Variants in KCNH3 observed in about 807,000 individuals in gnomAD.
KCNH3 encodes voltage-gated inwardly rectifying potassium channel KCNH3.
A neutral mutation model predicts 95.6 loss-of-function variants in KCNH3; 36 were observed. The ratio of observed to expected loss-of-function variants is 0.38; its 90% confidence interval spans 0.29 to 0.50. KCNH3 has a LOEUF of 0.50. Among genes scored for constraint, KCNH3 ranks in the 20% least tolerant of loss-of-function variants. KCNH3 has a pLI of 0.95. For missense variants in KCNH3, 1,030 were observed against 1,484.1 expected, an observed-to-expected ratio of 0.69 and a Z score of 5.03; for synonymous variants, 620 against 646.3, an observed-to-expected ratio of 0.96 and a Z score of 0.62.
In KCNH3 at chr12:49,557,146, C is replaced by G; in HGVS notation, c.2576-37C>G. The G allele has an allele frequency of 1.9e-6, 3 of 1,606,706 alleles. No individual in the cohort carries two copies. In the South Asian group the frequency reaches 3.3e-5, roughly 18 times the overall value. On this transcript the variant is annotated intron_variant, in intron 13 of 14. Transcript: ENST00000257981. ...CCCCCAAATTGCCTATCTCCTCTTA[C>G]CAGCCCCAGCTGATAACCCCATCCT...
chr12:49,550,083 C>T lies in KCNH3; in HGVS notation c.1672C>T (p.Leu558=). 8.3e-7 allele frequency: 1 copy of T among 1,211,832 alleles called. No individual in the cohort carries two copies. The highest frequency in any genetic ancestry group is 1.1e-6 in the Non-Finnish European group (1 of 882,282). The allele number at this position is 1,211,832 out of a possible 1,614,324, so 75.1% of individuals were successfully genotyped here. ...VNNGIDTTEL[L]QSLPDELRAD... is the part of the protein sequence containing the mutation. ...CCCCGCACCTGCTCACCTGCAGCTG[C>T]TGCAGAGCCTCCCTGACGAGCTGCG... The change falls in exon 10 of 15, where the codon CTG becomes TTG. Residue 558 remains leucine (L), a synonymous_variant. Coordinates refer to ENST00000257981, the MANE Select transcript of KCNH3 (RefSeq NM_012284.3).
Position 49,549,619 on chromosome 12 carries a change from C to T in KCNH3, c.1647C>T (p.Asn549=), listed in dbSNP as rs538798863. ...LEYFQATWAV[N]NGIDTTELLQ... ...ACTTCCAGGCCACCTGGGCGGTGAA[C>T]AATGGCATCGACACCACCGAGGTGC... Residue 549 remains asparagine (N), a synonymous_variant, in exon 9 of 15, where the codon AAC becomes AAT. Coordinates refer to ENST00000257981, the MANE Select transcript of KCNH3 (RefSeq NM_012284.3). 6.2e-6 allele frequency: 10 copies of T among 1,610,566 alleles called. No homozygotes were observed. In the South Asian group the frequency reaches 1.1e-4, roughly 18 times the overall value.
rs1938428641 is a variant in KCNH3 at position 49,555,993 on chromosome 12, G to A, written c.2468+42G>A. 4.1e-6 allele frequency: 4 copies of A among 964,390 alleles called. No individual in the cohort carries two copies. The East Asian group carries it at 9.7e-5, about 23-fold the overall frequency. The allele number at this position is 964,390 out of a possible 1,614,324, so 59.7% of individuals were successfully genotyped here. A position where few individuals can be genotyped will look rare whatever the true frequency, so the allele number is the denominator to read the frequency against. ...CCCCCGTGGCAGAGATGGTGGTGAT[G>A]AGGCTGAGGCCCTGGGCAGGCGCAC... is the stretch of plus-strand genomic sequence containing the variant. On this transcript the variant is annotated intron_variant, in intron 12 of 14. Transcript: ENST00000257981.
chr12:49,549,190 G>C lies in KCNH3; in HGVS notation c.1468+17G>C, dbSNP rs935865252. ...TCATCGGCGGTGAGCCCGGCCGCGC[G>C]CGTCTTCCCGGGGCCACTCCCAGAC... On this transcript the variant is annotated intron_variant, in intron 8 of 14. Transcript: ENST00000257981. 1.3e-6 allele frequency: 2 copies of C among 1,566,066 alleles called. No individual in the cohort carries two copies. The highest frequency in any genetic ancestry group is 1.7e-6 in the Non-Finnish European group (2 of 1,154,218).
intron 10 of KCNH3, among the ~76,000 whole-genome samples, chr12:49,553,996 G>A (rs1463884695): frequency 6.6e-6 from 1 of 152,212 alleles, no homozygotes; most frequent in African/African-American, 2.4e-5. Flanking sequence ...TTTTGCAGGG[G>A]ATTCTAATCA....
chr12:49,543,728 A>G, intron 5 of KCNH3, 187 bp from the exon 6 acceptor site: 3 of 1,020,484 alleles, frequency 2.9e-6, no homozygotes, highest in Non-Finnish European at 4.2e-6. Context: ...CTGAGCCTCC[A>G]TAAAATAGAT....
rs189014303 is a variant in KCNH3 at position 49,555,039 on chromosome 12, G to C, written c.2136+485G>C. Among the ~76,000 whole-genome samples the C allele has an allele frequency of 3.1e-3, 473 of 152,248 alleles. 2 individuals carry two copies. Among genetic ancestry groups the C allele is most frequent in the Middle Eastern group, 0.031 (9 of 294 alleles). On this transcript the variant is annotated intron_variant, in intron 11 of 14. Transcript: ENST00000257981. ...CGCATTCTCTTGGATAGTTTAATTA[G>C]GCTGAGGGACCTGGTAGAGGAGTGG... is the stretch of plus-strand genomic sequence containing the variant.
chr12:49,545,582 A>G (rs570946631), intron 7 of KCNH3, among the ~76,000 whole-genome samples: 2 of 152,080 alleles, frequency 1.3e-5, no homozygotes, highest in South Asian at 2.1e-4. Flanking sequence ...TAGTAGAGAC[A>G]GGGTTTTACC....
At chr12:49,543,216 A>G in intron 4 of KCNH3, 59 bp from the exon 5 acceptor site, 1 of 1,572,178 alleles carries the variant, frequency 6.4e-7, no homozygotes, top group Non-Finnish European at 8.6e-7. Flanking sequence ...GACTCTATCC[A>G]AACTCAGCCT....
rs371372059 is a variant in KCNH3 at position 49,549,256 on chromosome 12, TG to T, written c.1468+84del. On this transcript the variant is annotated intron_variant, in intron 8 of 14. Transcript: ENST00000257981. ...GCGCCGTCCCACTCCCCGGAGGGCC[TG>T]AGGCCGGGGGCTCTTCCGCTTTAGG... The T allele has an allele frequency of 1.7e-5, 26 of 1,494,716 alleles. No individual in the cohort carries two copies. The East Asian group carries it at 2.5e-4, about 15-fold the overall frequency. 92.6% of individuals were successfully genotyped at this position (1,494,716 alleles called of 1,614,324 possible). A position where few individuals can be genotyped will look rare whatever the true frequency, so the allele number is the denominator to read the frequency against.
In KCNH3 at chr12:49,557,496, C is replaced by T; in HGVS notation, c.2795C>T (p.Ser932Phe). The change falls in exon 15 of 15, where the codon TCC becomes TTC. Residue 932 changes from serine to phenylalanine, a missense_variant. Ser to Phe is a radical substitution (Grantham distance 155, BLOSUM62 -2). This residue lies in a region of KCNH3 where 464 missense variants were observed against 493.2 expected (regional missense o/e 0.94). Transcript: ENST00000257981. ...SGEGPCPAST[S>F]GLLQPLCVDT... is the part of the protein sequence containing the mutation. ...GAGGGGCCGTGCCCAGCCAGCACCTCCGGGCTTCTGCAGCCTCTGTGTGTG... is the reference window on the plus strand; with the variant it reads ...GAGGGGCCGTGCCCAGCCAGCACCTTCGGGCTTCTGCAGCCTCTGTGTGTG... The T allele has an allele frequency of 6.2e-7, 1 of 1,611,696 alleles. No homozygotes were observed. Among genetic ancestry groups the T allele is most frequent in the Non-Finnish European group, 8.5e-7 (1 of 1,179,866 alleles).
Position 49,549,235 on chromosome 12 carries a change from C to G in KCNH3, c.1468+62C>G. 4 of 1,522,890 alleles carry G rather than the reference C, an allele frequency of 2.6e-6. No homozygotes were observed. In the South Asian group the frequency reaches 3.8e-5, roughly 15 times the overall value. The allele number at this position is 1,522,890 out of a possible 1,614,324, so 94.3% of individuals were successfully genotyped here. Reference sequence around the variant, plus strand: ...CCAGACTTCTGCCCGCAGGCGGCGCCGTCCCACTCCCCGGAGGGCCTGAGG... The same window carrying G: ...CCAGACTTCTGCCCGCAGGCGGCGCGGTCCCACTCCCCGGAGGGCCTGAGG... On this transcript the variant is annotated intron_variant, in intron 8 of 14. Coordinates refer to ENST00000257981, the MANE Select transcript of KCNH3 (RefSeq NM_012284.3).
intron 7 of KCNH3, among the ~76,000 whole-genome samples, chr12:49,547,019 C>T (rs550326025): frequency 2.7e-5 from 4 of 148,348 alleles, no homozygotes; most frequent in Admixed American, 1.3e-4. Flanking sequence ...CTCAGTCTCC[C>T]GAGTAGCTGG....
intron 3 of KCNH3, 93 bp from the exon 4 acceptor site, chr12:49,542,613 T>A: frequency 7.1e-7 from 1 of 1,407,632 alleles, no homozygotes; most frequent in Non-Finnish European, 9.5e-7. Context: ...GCCAGACCAG[T>A]CCATGGGCCA....
chr12:49,540,746 T>C (rs1937843076), intron 1 of KCNH3, among the ~76,000 whole-genome samples, 153 bp from the exon 2 acceptor site: 1 of 152,238 alleles, frequency 6.6e-6, no homozygotes. Flanking sequence ...TGACACACAC[T>C]GATTGCTATT....
At chr12:49,545,915 GA>G (rs1414916203) in intron 7 of KCNH3, among the ~76,000 whole-genome samples, 1 of 152,122 alleles carries the variant, frequency 6.6e-6, no homozygotes, top group African/African-American at 2.4e-5. Context: ...TCCGGGCAGT[GA>G]CACCTCCTTG....
intron 2 of KCNH3, 137 bp from the exon 3 acceptor site, chr12:49,541,493 C>T (rs1937869403): frequency 9.8e-7 from 1 of 1,018,734 alleles, no homozygotes; most frequent in East Asian, 2.4e-5. Flanking sequence ...TTCAGTGAAA[C>T]TGGACTGCCA....
In KCNH3 at chr12:49,539,283, G is replaced by A. The variant is rs1384156352; in HGVS notation, c.-134G>A. On this transcript the variant is annotated 5_prime_UTR_variant, in exon 1 of 15. Transcript: ENST00000257981. The surrounding 1 kb of genome is among the most constrained non-coding windows in gnomAD (Gnocchi z 6.7). The stretch of plus-strand genomic sequence containing the variant: ...GCGTCCGGCGCGACCCCGGATCCCG[G>A]TCTGCGCATTGCCCCCCGACGGCTG... 5 of 359,944 alleles carry A rather than the reference G, an allele frequency of 1.4e-5. No individual in the cohort carries two copies. Among genetic ancestry groups the A allele is most frequent in the African/African-American group, 1.1e-4 (5 of 46,076 alleles). 22.3% of individuals were successfully genotyped at this position (359,944 alleles called of 1,614,324 possible). A position where few individuals can be genotyped will look rare whatever the true frequency, so the allele number is the denominator to read the frequency against.
chr12:49,555,816 G>A lies in KCNH3; in HGVS notation c.2333G>A (p.Arg778His), dbSNP rs143906090. The change falls in exon 12 of 15, where the codon CGT becomes CAT. Residue 778 changes from arginine (R) to histidine (H), a missense_variant. By Grantham distance (29) the Arg-to-His change is conservative. Around this residue, in one of 9 missense-constraint regions of KCNH3, gnomAD observed 464 missense variants for 493.2 expected, o/e 0.94. Coordinates refer to ENST00000257981, the MANE Select transcript of KCNH3 (RefSeq NM_012284.3). The stretch of plus-strand genomic sequence containing the variant: ...CCACGTCGAACAGCACCCCGGCCTC[G>A]TCTAGGTGGCAGAGGGAGGCCAGGC... Reference protein sequence around the residue: ...LSPRRTAPRPRLGGRGRPGRA... With the variant: ...LSPRRTAPRPHLGGRGRPGRA... 105 of 1,613,302 alleles carry A rather than the reference G, an allele frequency of 6.5e-5. No individual in the cohort carries two copies. The highest frequency in any genetic ancestry group is 2.4e-4 in the African/African-American group (18 of 74,918).
Sources: allele counts gnomAD v4.1 joint callset (sites outside exome capture counted in the v4.1 genomes callset), GRCh38; gene constraint gnomAD v4.1.1; regional missense constraint gnomAD v4.1.1; non-coding constraint Gnocchi (gnomAD v3.1); transcripts MANE v1.5; gene names NCBI Gene and HGNC (gene_info 2026-07-23, HGNC 2026-07-21).